The following PRKRIP1 variants were observed in gnomAD, a reference collection of about 807,000 sequenced individuals.
The protein encoded by PRKRIP1 is PRKR-interacting protein 1.
A neutral mutation model predicts 29.3 loss-of-function variants in PRKRIP1; 29 were observed. That is an observed-to-expected ratio of 0.99 (90% CI 0.74 to 1.35). The LOEUF is 1.35. Ranked by LOEUF, PRKRIP1 falls within the 40% of genes most tolerant of loss-of-function variation. The pLI, the probability that PRKRIP1 is intolerant of heterozygous loss-of-function variation, is 0.00. For missense variants in PRKRIP1, 247 were observed against 236.8 expected, an observed-to-expected ratio of 1.04 and a Z score of -0.28; for synonymous variants, 90 against 85.1, an observed-to-expected ratio of 1.06 and a Z score of -0.32.
intron 5 of PRKRIP1, among the ~76,000 whole-genome samples, chr7:102,415,900 C>G (rs1172049034): frequency 6.6e-6 from 1 of 152,272 alleles, no homozygotes; most frequent in Non-Finnish European, 1.5e-5. Flanking sequence ...CTCCACCATG[C>G]TGGTCTGTTC....
chr7:102,409,115 A>C (rs1277826074), intron 5 of PRKRIP1, among the ~76,000 whole-genome samples: 1 of 152,120 alleles, frequency 6.6e-6, no homozygotes, highest in African/African-American at 2.4e-5. Context: ...CAGAGGTTGC[A>C]GTGAGCTGAG....
intron 3 of PRKRIP1, among the ~76,000 whole-genome samples, chr7:102,403,137 T>C (rs1181898519): frequency 6.6e-6 from 1 of 152,134 alleles, no homozygotes; most frequent in Non-Finnish European, 1.5e-5. Context: ...AGCTTCCCAG[T>C]GTGCTGGGAT....
At chr7:102,419,936 A>G (rs1470147578) in intron 5 of PRKRIP1, among the ~76,000 whole-genome samples, 1 of 150,298 alleles carries the variant, frequency 6.7e-6, no homozygotes, top group Admixed American at 6.7e-5. Flanking sequence ...GCTGGAGTGC[A>G]GTGGCGCAAT....
At chr7:102,420,777 T>C (rs1227359497) in intron 5 of PRKRIP1, among the ~76,000 whole-genome samples, 1 of 152,158 alleles carries the variant, frequency 6.6e-6, no homozygotes, top group Non-Finnish European at 1.5e-5. Flanking sequence ...AACACTGACA[T>C]GACGCTCCAA....
At chr7:102,409,398 T>C (rs1160729325) in intron 5 of PRKRIP1, among the ~76,000 whole-genome samples, 1 of 152,150 alleles carries the variant, frequency 6.6e-6, no homozygotes, top group Non-Finnish European at 1.5e-5. Context: ...TGGAAGTACT[T>C]GGCCCAAGTA....
chr7:102,406,897 G>T (rs1381327221), intron 4 of PRKRIP1, among the ~76,000 whole-genome samples: 3 of 149,766 alleles, frequency 2.0e-5, no homozygotes, highest in South Asian at 2.1e-4. Flanking sequence ...CGATTAAAAT[G>T]ATGTATAACA....
Position 102,425,011 on chromosome 7 carries a change from C to G in PRKRIP1, c.458-3C>G. 1 of 1,610,824 alleles carries G rather than the reference C, an allele frequency of 6.2e-7. No homozygotes were observed. Among genetic ancestry groups the G allele is most frequent in the Non-Finnish European group, 8.5e-7 (1 of 1,178,922 alleles). On this transcript the variant is annotated splice_region_variant and splice_polypyrimidine_tract_variant and intron_variant, in intron 5 of 5. Coordinates refer to ENST00000397912, the MANE Select transcript of PRKRIP1 (RefSeq NM_024653.4). ...CTGTAATTTGAATGTCGTGTGGTTA[C>G]AGGACCCGGTCAGCCCAAGGAGCAG... is the stretch of plus-strand genomic sequence containing the variant.
At chr7:102,422,460 C>T (rs1448318926) in intron 5 of PRKRIP1, among the ~76,000 whole-genome samples, 3 of 152,024 alleles carry the variant, frequency 2.0e-5, no homozygotes, top group Non-Finnish European at 2.9e-5. Context: ...TCTTCTGCCT[C>T]AGCCTCCCAA....
chr7:102,396,883 G>C (rs554070278), intron 1 of PRKRIP1, among the ~76,000 whole-genome samples: 1 of 152,236 alleles, frequency 6.6e-6, no homozygotes, highest in Admixed American at 6.6e-5. Context: ...AACACTGATC[G>C]TTAGAGAGAC....
chr7:102,405,623 T>A (rs6971258), intron 4 of PRKRIP1: 123,752 of 153,328 alleles, frequency 0.81, 50,095 homozygotes, highest in Middle Eastern at 0.86. Context: ...AATTTTTTTT[T>A]AAAAAGCACC....
intron 5 of PRKRIP1, among the ~76,000 whole-genome samples, chr7:102,410,878 T>G (rs2133185974): frequency 6.6e-6 from 1 of 152,318 alleles, no homozygotes; most frequent in East Asian, 1.9e-4. Context: ...AGTCTGTCTC[T>G]TTCTTGATAT....
intron 3 of PRKRIP1, among the ~76,000 whole-genome samples, chr7:102,400,472 C>A (rs1252877702): frequency 6.6e-6 from 1 of 151,896 alleles, no homozygotes; most frequent in Non-Finnish European, 1.5e-5. Context: ...TGTGTAATTT[C>A]ATTTATATGA....
At chr7:102,405,895 C>A in intron 4 of PRKRIP1, 1 of 315,646 alleles carries the variant, frequency 3.2e-6, no homozygotes, top group Non-Finnish European at 6.3e-6. Flanking sequence ...AAAATCCATG[C>A]TCCGGGATTT....
At position 102,396,428 on chromosome 7, in the gene PRKRIP1, C is replaced by T; in HGVS notation, c.17C>T (p.Ala6Val). 1.9e-6 allele frequency: 3 copies of T among 1,587,226 alleles called. No individual in the cohort carries two copies. Among genetic ancestry groups the T allele is most frequent in the South Asian group, 2.2e-5 (2 of 89,828 alleles). Residue 6 changes from alanine (A) to valine (V), a missense_variant, in exon 1 of 6, where the codon GCC (alanine) becomes GTC (valine). By Grantham distance (64) the Ala-to-Val change is moderately conservative. Transcript: ENST00000397912. MASPA[A>V]SSVRPPRPKK... ...AAGGCTGCCATGGCTAGCCCAGCCG[C>T]CTCCTCGGTGCGACCACCGAGGCCC...
chr7:102,396,464 C>G lies in PRKRIP1; in HGVS notation c.53C>G (p.Pro18Arg), dbSNP rs146963861. ...CGACCACCGAGGCCCAAGAAAGAGCCGCAGACGCTCGTCATCCCCAAGAAT... is the reference window on the plus strand; with the variant it reads ...CGACCACCGAGGCCCAAGAAAGAGCGGCAGACGCTCGTCATCCCCAAGAAT... ...SVRPPRPKKE[P>R]QTLVIPKNAA... The change falls in exon 1 of 6, where the codon CCG (proline) becomes CGG (arginine). Residue 18 changes from proline (P) to arginine (R), a missense_variant. This residue lies in a region of PRKRIP1 where 105 missense variants were observed against 80.2 expected (regional missense o/e 1.31). Coordinates refer to ENST00000397912, the MANE Select transcript of PRKRIP1 (RefSeq NM_024653.4). The G allele has an allele frequency of 6.2e-7, 1 of 1,608,950 alleles. No individual in the cohort carries two copies. Among genetic ancestry groups the G allele is most frequent in the Admixed American group, 1.7e-5 (1 of 59,414 alleles).
chr7:102,408,461 C>G (rs1554572117), intron 5 of PRKRIP1, among the ~76,000 whole-genome samples: 1 of 152,170 alleles, frequency 6.6e-6, no homozygotes, highest in African/African-American at 2.4e-5. Context: ...CAGCATCCCA[C>G]CGTGCTGCCA....
At chr7:102,406,694 C>G (rs1796231610) in intron 4 of PRKRIP1, among the ~76,000 whole-genome samples, 1 of 152,172 alleles carries the variant, frequency 6.6e-6, no homozygotes, top group African/African-American at 2.4e-5. Context: ...ACTTCTTGCC[C>G]CACCACTGCA....
Position 102,397,651 on chromosome 7 carries a change from GTGAA to G in PRKRIP1, c.161_164del (p.Glu54GlyfsTer80). The G allele has an allele frequency of 6.2e-7, 1 of 1,613,980 alleles. No individual in the cohort carries two copies. Among genetic ancestry groups the G allele is most frequent in the Non-Finnish European group, 8.5e-7 (1 of 1,179,962 alleles). ...GCAGTTCCAATTCCAGAGAAAATGAGTGAATGGGCACCTCGACCTCCCCCAGAAT... is the reference window on the plus strand; with the variant it reads ...GCAGTTCCAATTCCAGAGAAAATGAGTGGGCACCTCGACCTCCCCCAGAAT... On this transcript the variant is annotated frameshift_variant, in exon 2 of 6. Transcript: ENST00000397912. LOFTEE classifies it high-confidence loss of function.
intron 3 of PRKRIP1, among the ~76,000 whole-genome samples, chr7:102,403,002 G>A (rs956867434): frequency 6.6e-6 from 1 of 151,988 alleles, no homozygotes; most frequent in East Asian, 1.9e-4. Flanking sequence ...AGCCTCCCGA[G>A]TACCTGGGAT....
Sources: allele counts gnomAD v4.1 joint callset (sites outside exome capture counted in the v4.1 genomes callset), GRCh38; gene constraint gnomAD v4.1.1; regional missense constraint gnomAD v4.1.1; transcripts MANE v1.5; gene names NCBI Gene and HGNC (gene_info 2026-07-23, HGNC 2026-07-21).